Variants in PPP2R2C observed in about 807,000 individuals in gnomAD.
PPP2R2C encodes the protein protein phosphatase 2, regulatory subunit B, gamma.
PPP2R2C carries 10 observed loss-of-function variants against 45.3 expected under a neutral mutation model. The observed-to-expected ratio is 0.22, with a 90% CI of 0.14 to 0.37. PPP2R2C has a LOEUF of 0.37. Among genes scored for constraint, PPP2R2C ranks in the 10% least tolerant of loss-of-function variants. The pLI is 1.00. For synonymous variants in PPP2R2C, 257 were observed against 245.4 expected, an observed-to-expected ratio of 1.05 and a Z score of -0.44; for missense variants, 308 against 619.7, an observed-to-expected ratio of 0.50 and a Z score of 5.34.
At chr4:6,562,019 T>C (rs1244876754) in intron 1 of PPP2R2C, among the ~76,000 whole-genome samples, 2 of 151,936 alleles carry the variant, frequency 1.3e-5, no homozygotes, top group Non-Finnish European at 2.9e-5. Flanking sequence ...GGGGTGAGGG[T>C]ATTCCCAGGG....
Position 6,320,798 on chromosome 4 carries a change from G to C in PPP2R2C, c.*2504C>G, listed in dbSNP as rs1231641357. ...CACCAACAGCTTCGTCCTCAGAGAAGAGCTAAATTAAAAACAAAACCAAAA... is the reference window on the plus strand; with the variant it reads ...CACCAACAGCTTCGTCCTCAGAGAACAGCTAAATTAAAAACAAAACCAAAA... On this transcript the variant is annotated 3_prime_UTR_variant, in exon 9 of 9. Transcript: ENST00000382599. The C allele has an allele frequency of 7.0e-6, 1 of 142,836 alleles. No individual in the cohort carries two copies. The highest frequency in any genetic ancestry group is 7.1e-5 in the Admixed American group (1 of 14,068). 8.8% of individuals were successfully genotyped at this position (142,836 alleles called of 1,614,324 possible).
chr4:6,372,462 A>G (rs6837903), intron 5 of PPP2R2C, 61 bp downstream of exon 5: 1,487,183 of 1,557,618 alleles, frequency 0.95, 710,378 homozygotes, highest in East Asian at 1. Flanking sequence ...AACCAAACCC[A>G]CCACCCAACG....
chr4:6,356,273 G>A lies in PPP2R2C; in HGVS notation c.626-8263C>T, dbSNP rs147821816. Among the ~76,000 whole-genome samples, 339 of 152,324 alleles carry A rather than the reference G, an allele frequency of 2.2e-3. 1 individual carries two copies. The highest frequency in any genetic ancestry group is 5.4e-3 in the South Asian group (26 of 4,828). On this transcript the variant is annotated intron_variant, in intron 5 of 8. Coordinates refer to ENST00000382599, the MANE Select transcript of PPP2R2C (RefSeq NM_020416.4). The stretch of plus-strand genomic sequence containing the variant: ...CTGTCGCAGCTAACACGTGCGGCCG[G>A]CTGGCTGGGTGGGACTAGCTTCGCA...
upstream of PPP2R2C, among the ~76,000 whole-genome samples, chr4:6,474,227 C>T (rs554286296): frequency 1.6e-4 from 24 of 151,816 alleles, no homozygotes; most frequent in East Asian, 4.5e-3. Context: ...GCCAGCCCCC[C>T]ACTCTCTGTC....
In PPP2R2C at chr4:6,375,452, C is replaced by G. The variant is rs116224788; in HGVS notation, c.447+367G>C. On this transcript the variant is annotated intron_variant, in intron 4 of 8. Coordinates refer to ENST00000382599, the MANE Select transcript of PPP2R2C (RefSeq NM_020416.4). ...CTGCTGACCCATTCTCTTTCTGCCT[C>G]TGCCTACTCACTCAGCTGAGCAGTT... Among the ~76,000 whole-genome samples, 932 of 152,306 alleles carry G rather than the reference C, an allele frequency of 6.1e-3. 5 individuals carry two copies. The highest frequency in any genetic ancestry group is 9.6e-3 in the Non-Finnish European group (650 of 68,022).
intron 6 of PPP2R2C, among the ~76,000 whole-genome samples, chr4:6,340,458 G>C (rs566268872): frequency 3.0e-4 from 46 of 152,194 alleles, no homozygotes; most frequent in South Asian, 2.3e-3. Context: ...TCCCCTTCCT[G>C]TGGTCCCTCC....
At chr4:6,480,688 G>A (rs1299194337) in intron 2 of PPP2R2C, among the ~76,000 whole-genome samples, 3 of 152,138 alleles carry the variant, frequency 2.0e-5, no homozygotes, top group Non-Finnish European at 2.9e-5. Flanking sequence ...GGTGGAGGGC[G>A]AGACCACTGA....
At chr4:6,481,965 C>G (rs1012992468) in intron 2 of PPP2R2C, among the ~76,000 whole-genome samples, 1 of 110,520 alleles carries the variant, frequency 9.0e-6, no homozygotes, top group Admixed American at 1.4e-4. Flanking sequence ...GGTGACAGAG[C>G]GAGACTCCGT....
chr4:6,352,835 G>A (rs1170458882), intron 5 of PPP2R2C, among the ~76,000 whole-genome samples: 1 of 152,130 alleles, frequency 6.6e-6, no homozygotes, highest in Non-Finnish European at 1.5e-5. Flanking sequence ...TCTCATTTGG[G>A]AAAAGGGTCT....
In PPP2R2C at chr4:6,510,980, C is replaced by CAAAAAAA. The variant is rs752037080; in HGVS notation, c.49+24284_49+24290dup. Among the ~76,000 whole-genome samples the CAAAAAAA allele has an allele frequency of 5.2e-3, 216 of 41,266 alleles. 7 individuals carry two copies. Among genetic ancestry groups the CAAAAAAA allele is most frequent in the East Asian group, 0.032 (35 of 1,084 alleles). The allele number at this position is 41,266 out of a possible 152,430, so 27.1% of individuals were successfully genotyped here. A position where few individuals can be genotyped will look rare whatever the true frequency, so the allele number is the denominator to read the frequency against. ...CAACAGAGTGAGACTCCGTCTCAAA[C>CAAAAAAA]AAAAAAAAACAAACAAACAAAAAAA... On this transcript the variant is annotated intron_variant, in intron 2 of 9. Coordinates refer to the PPP2R2C transcript ENST00000506140.
At chr4:6,499,070 G>T (rs149591617) in intron 2 of PPP2R2C, among the ~76,000 whole-genome samples, 1 of 152,170 alleles carries the variant, frequency 6.6e-6, no homozygotes. Context: ...TGGCCAGGAC[G>T]TGGTGCCCAA....
chr4:6,452,505 G>GATAGAGTCCCCATTTCACAGA (rs1235017498), intron 1 of PPP2R2C, among the ~76,000 whole-genome samples: 1 of 152,220 alleles, frequency 6.6e-6, no homozygotes, highest in Non-Finnish European at 1.5e-5. Flanking sequence ...GCGGCCCCAA[G>GATAGAGTCCCCATTTCACAGA]ATAGAGTCCC....
At chr4:6,363,330 G>A (rs573877736) in intron 5 of PPP2R2C, among the ~76,000 whole-genome samples, 67 of 152,330 alleles carry the variant, frequency 4.4e-4, no homozygotes, top group Non-Finnish European at 3.7e-4. Flanking sequence ...TGTAAACCCA[G>A]CACTTTGGGA....
intron 1 of PPP2R2C, among the ~76,000 whole-genome samples, chr4:6,555,320 G>C (rs1297887521): frequency 6.6e-6 from 1 of 152,142 alleles, no homozygotes; most frequent in African/African-American, 2.4e-5. Flanking sequence ...GCCACGTCTG[G>C]GGCTGCCCTG....
chr4:6,385,691 T>A (rs887255517), intron 1 of PPP2R2C, among the ~76,000 whole-genome samples: 23 of 152,122 alleles, frequency 1.5e-4, no homozygotes, highest in Non-Finnish European at 7.4e-5. Context: ...TGCCTCAGCC[T>A]CCCGAGTAGT....
chr4:6,529,318 G>T (rs1325353716), intron 2 of PPP2R2C, among the ~76,000 whole-genome samples: 1 of 152,210 alleles, frequency 6.6e-6, no homozygotes, highest in East Asian at 1.9e-4. Flanking sequence ...CCTCAGACTG[G>T]CCTCTCCCCT....
At chr4:6,462,568 A>G (rs2108759194) in intron 1 of PPP2R2C, among the ~76,000 whole-genome samples, 1 of 152,358 alleles carries the variant, frequency 6.6e-6, no homozygotes, top group East Asian at 1.9e-4. Flanking sequence ...CAGAAAAGAC[A>G]AGAGACAGAA....
chr4:6,539,016 G>A (rs1724722142), intron 1 of PPP2R2C, among the ~76,000 whole-genome samples: 1 of 152,150 alleles, frequency 6.6e-6, no homozygotes, highest in Non-Finnish European at 1.5e-5. Context: ...TCTGCATGCT[G>A]CAGTCTTCAC....
At position 6,347,922 on chromosome 4, in the gene PPP2R2C, G is replaced by A. The variant is rs749169351; in HGVS notation, c.714C>T (p.Phe238=). 2.9e-5 allele frequency: 46 copies of A among 1,613,902 alleles called. No individual in the cohort carries two copies. In the East Asian group the frequency reaches 4.2e-4, roughly 15 times the overall value. Reference sequence around the variant, plus strand: ...GGGAGCCCTTGCTGCTGCTGTAGACGAAGAGGTTGCAGTGGTGCGGATGGA... The same window carrying A: ...GGGAGCCCTTGCTGCTGCTGTAGACAAAGAGGTTGCAGTGGTGCGGATGGA... ...SEFHPHHCNL[F]VYSSSKGSLR... The change falls in exon 6 of 9, where the codon TTC becomes TTT. Residue 238 remains phenylalanine (F), a synonymous_variant. Transcript: ENST00000382599.
Sources: gnomAD v4.1 joint callset for allele counts (sites outside exome capture counted in the v4.1 genomes callset) on GRCh38, gnomAD v4.1.1 for gene constraint, MANE v1.5 for transcripts, NCBI Gene and HGNC (gene_info 2026-07-23, HGNC 2026-07-21) for gene names.